The following DCAF8L2 variants were observed in gnomAD, a reference collection of about 807,000 sequenced individuals.
DCAF8L2 encodes the protein DDB1- and CUL4-associated factor 8-like protein 2.
For missense variants in DCAF8L2, 430 were observed against 490.7 expected, an observed-to-expected ratio of 0.88 and a Z score of 1.17; for synonymous variants, 200 against 190.9, an observed-to-expected ratio of 1.05 and a Z score of -0.39.
chrX:27,649,710 A>T (rs1929079112), intron 2 of DCAF8L2, among the ~76,000 whole-genome samples: 1 of 112,211 alleles, frequency 8.9e-6, no homozygotes, highest in South Asian at 3.6e-4. Flanking sequence ...GACATTTGTC[A>T]GATGCACAGT....
At chrX:27,610,429 A>ATT (rs755329449) in intron 1 of DCAF8L2, among the ~76,000 whole-genome samples, 1 of 110,750 alleles carries the variant, frequency 9.0e-6, no homozygotes, top group East Asian at 2.8e-4. Flanking sequence ...TGTTTTTCAA[A>ATT]TTATATATAT....
chrX:27,709,317 T>C (rs950919909), intron 3 of DCAF8L2, among the ~76,000 whole-genome samples: 1 of 112,860 alleles, frequency 8.9e-6, no homozygotes, highest in East Asian at 2.8e-4. Flanking sequence ...GTGTTTGTAT[T>C]TTCCGTACAT....
At chrX:27,642,129 G>GA (rs1928758294) in intron 2 of DCAF8L2, among the ~76,000 whole-genome samples, 1 of 107,582 alleles carries the variant, frequency 9.3e-6, no homozygotes, top group African/African-American at 3.4e-5. Flanking sequence ...TCCTGACCTC[G>GA]TGATCCGCCC....
At chrX:27,587,985 A>AAAAAAAT, upstream of DCAF8L2, among the ~76,000 whole-genome samples, 2 of 22,364 alleles carry the variant, frequency 8.9e-5, no homozygotes, top group African/African-American at 2.0e-4. Context: ...TAAAAAAAAA[A>AAAAAAAT]ATATATATAT....
At chrX:27,667,778 A>G (rs1929793796) in intron 2 of DCAF8L2, among the ~76,000 whole-genome samples, 1 of 112,562 alleles carries the variant, frequency 8.9e-6, no homozygotes, top group Non-Finnish European at 1.9e-5. Context: ...GTTATGAAAG[A>G]TAATGCCCAG....
intron 2 of DCAF8L2, among the ~76,000 whole-genome samples, chrX:27,653,118 C>T (rs1476920853): frequency 2.7e-5 from 3 of 111,749 alleles, no homozygotes; most frequent in Non-Finnish European, 1.9e-5. Flanking sequence ...ATGGGATGCA[C>T]TGCGTGGAAT....
chrX:27,678,991 G>C (rs984855513), intron 3 of DCAF8L2, among the ~76,000 whole-genome samples: 1 of 111,592 alleles, frequency 9.0e-6, no homozygotes, highest in Non-Finnish European at 1.9e-5. Flanking sequence ...GGAAATGTGT[G>C]ATGAAAGGAA....
the DCAF8L2 span, among the ~76,000 whole-genome samples, chrX:27,529,112 G>T: frequency 9.0e-6 from 1 of 111,626 alleles, no homozygotes. Flanking sequence ...TCAGGTCCCT[G>T]TTTAGTAACA....
At chrX:27,680,137 C>A (rs1302473516) in intron 3 of DCAF8L2, among the ~76,000 whole-genome samples, 2 of 111,418 alleles carry the variant, frequency 1.8e-5, no homozygotes, top group Non-Finnish European at 3.8e-5. Context: ...GATCCTACTG[C>A]AAAAAGTCAT....
chrX:27,548,979 C>T, the DCAF8L2 span, among the ~76,000 whole-genome samples: 9 of 111,184 alleles, frequency 8.1e-5, no homozygotes, highest in Non-Finnish European at 1.1e-4. Flanking sequence ...TATATATGTC[C>T]GTACACCAAA....
chrX:27,698,906 T>C (rs1374697848), intron 3 of DCAF8L2, among the ~76,000 whole-genome samples: 1 of 111,868 alleles, frequency 8.9e-6, no homozygotes, highest in Non-Finnish European at 1.9e-5. Flanking sequence ...ATTTTAAATG[T>C]CCCTTTTCTA....
chrX:27,542,878 G>C, the DCAF8L2 span, among the ~76,000 whole-genome samples: 47,755 of 109,631 alleles, frequency 0.44, 8,894 homozygotes, highest in South Asian at 0.68. Context: ...ATAGATTCTG[G>C]ATACTAGACC....
the DCAF8L2 span, among the ~76,000 whole-genome samples, chrX:27,535,826 A>G: frequency 8.9e-6 from 1 of 112,045 alleles, no homozygotes; most frequent in South Asian, 3.7e-4. Context: ...AATATTTACC[A>G]TACCTGAGGC....
chrX:27,563,752 G>T, the DCAF8L2 span, among the ~76,000 whole-genome samples: 1 of 112,169 alleles, frequency 8.9e-6, no homozygotes, highest in Admixed American at 9.4e-5. Context: ...ATACAAAGTA[G>T]TTTTCAAATA....
intron 2 of DCAF8L2, among the ~76,000 whole-genome samples, chrX:27,656,426 T>C (rs1288962739): frequency 8.9e-6 from 1 of 112,224 alleles, no homozygotes; most frequent in Admixed American, 9.5e-5. Flanking sequence ...CAAACAATAG[T>C]AAATGATAAC....
upstream of DCAF8L2, among the ~76,000 whole-genome samples, chrX:27,587,380 G>A (rs1925923010): frequency 9.0e-6 from 1 of 111,464 alleles, no homozygotes; most frequent in Non-Finnish European, 1.9e-5. Flanking sequence ...AATCATAAAA[G>A]AGAATGTTTG....
chrX:27,522,120 T>C, the DCAF8L2 span, among the ~76,000 whole-genome samples: 1 of 112,236 alleles, frequency 8.9e-6, no homozygotes, highest in South Asian at 3.7e-4. Context: ...CCCCGCCTCC[T>C]GGCTTCAAGC....
At chrX:27,667,483 GT>G (rs1205115736) in intron 2 of DCAF8L2, among the ~76,000 whole-genome samples, 1 of 111,305 alleles carries the variant, frequency 9.0e-6, no homozygotes, top group East Asian at 2.8e-4. Context: ...TTAGAGGTCT[GT>G]TTTATAATAT....
chrX:27,538,108 C>A, the DCAF8L2 span, among the ~76,000 whole-genome samples: 2 of 111,586 alleles, frequency 1.8e-5, no homozygotes, highest in Non-Finnish European at 1.9e-5. Context: ...CAAAGAAACC[C>A]TTAAACATCA....
Sources: gnomAD v4.1 joint callset for allele counts (sites outside exome capture counted in the v4.1 genomes callset) on GRCh38, gnomAD v4.1.1 for gene constraint, MANE v1.5 for transcripts, NCBI Gene and HGNC (gene_info 2026-07-23, HGNC 2026-07-21) for gene names.